Variants in CATSPERD observed in about 807,000 individuals in gnomAD.
CATSPERD encodes the protein catsper channel auxiliary subunit delta.
CATSPERD carries 86 observed loss-of-function variants against 98.1 expected under a neutral mutation model. The observed-to-expected ratio is 0.88, with a 90% CI of 0.74 to 1.05. The LOEUF (loss-of-function observed/expected upper bound fraction) is 1.05. CATSPERD is among the 50% of genes least tolerant of loss of function. The pLI, the probability that CATSPERD is intolerant of heterozygous loss-of-function variation, is 0.00. For missense variants in CATSPERD, 995 were observed against 1,005.7 expected, an observed-to-expected ratio of 0.99 and a Z score of 0.14; for synonymous variants, 394 against 390.2, an observed-to-expected ratio of 1.01 and a Z score of -0.12.
chr19:5,759,934 G>A (rs563019403), intron 15 of CATSPERD, among the ~76,000 whole-genome samples: 88 of 150,650 alleles, frequency 5.8e-4, no homozygotes, highest in Non-Finnish European at 1.2e-3. Context: ...AAAATTAGCC[G>A]GGCATGGTGG....
At chr19:5,758,032 A>G in intron 14 of CATSPERD, 100 bp downstream of exon 14, 1 of 999,596 alleles carries the variant, frequency 1.0e-6, no homozygotes, top group Non-Finnish European at 1.4e-6. Context: ...TCCAGGGTAC[A>G]TAGCCCGTGG....
At position 5,724,788 on chromosome 19, in the gene CATSPERD, G is replaced by C; in HGVS notation, c.72-20G>C. ...AATATTCAATAAAAATTGACAGATG[G>C]TCTTTCTTGTCACTTCTAGTTCTCG... On this transcript the variant is annotated intron_variant, in intron 1 of 21. Coordinates refer to ENST00000381624, the MANE Select transcript of CATSPERD (RefSeq NM_152784.4). 1 of 1,612,280 alleles carries C rather than the reference G, an allele frequency of 6.2e-7. No individual in the cohort carries two copies. Among genetic ancestry groups the C allele is most frequent in the Non-Finnish European group, 8.5e-7 (1 of 1,178,362 alleles).
chr19:5,755,962 C>G (rs896527640), intron 13 of CATSPERD, among the ~76,000 whole-genome samples: 11 of 151,854 alleles, frequency 7.2e-5, no homozygotes, highest in African/African-American at 1.2e-4. Context: ...GCCTGGGTAA[C>G]AGAGTAAAAC....
intron 4 of CATSPERD, among the ~76,000 whole-genome samples, chr19:5,731,559 A>ATTTTTTTTTTTT (rs1568342216): frequency 1.3e-5 from 1 of 78,506 alleles, no homozygotes; most frequent in Non-Finnish European, 2.6e-5. Context: ...GACACTTAAC[A>ATTTTTTTTTTTT]GTTTTTTTTT....
intron 15 of CATSPERD, among the ~76,000 whole-genome samples, chr19:5,759,757 G>A (rs985447140): frequency 4.0e-5 from 6 of 151,260 alleles, no homozygotes; most frequent in South Asian, 4.2e-4. Flanking sequence ...TCCGCACATC[G>A]CAATATGACT....
In CATSPERD at chr19:5,762,058, A is replaced by ATTTTTTTTTTTTT. The variant is rs869295948; in HGVS notation, c.1428-1146_1428-1134dup. Among the ~76,000 whole-genome samples the ATTTTTTTTTTTTT allele has an allele frequency of 2.9e-4, 3 of 10,438 alleles. 1 individual carries two copies. The highest frequency in any genetic ancestry group is 6.6e-4 in the African/African-American group (2 of 3,050). 6.8% of individuals were successfully genotyped at this position (10,438 alleles called of 152,430 possible). A position where few individuals can be genotyped will look rare whatever the true frequency, so the allele number is the denominator to read the frequency against. ...TGGCCTGCCATATATATATATATAT[A>ATTTTTTTTTTTTT]TTTTTTTTTTTTTTTTTTTTTTTGA... is the stretch of plus-strand genomic sequence containing the variant. On this transcript the variant is annotated intron_variant, in intron 15 of 21. Transcript: ENST00000381624.
chr19:5,727,028 CA>C (rs935645183), intron 2 of CATSPERD, among the ~76,000 whole-genome samples: 2 of 151,640 alleles, frequency 1.3e-5, no homozygotes, highest in African/African-American at 4.8e-5. Context: ...CCTGTCTCTA[CA>C]AAAAAAATAG....
chr19:5,731,769 G>T (rs1200287017), intron 4 of CATSPERD, among the ~76,000 whole-genome samples: 1 of 150,384 alleles, frequency 6.6e-6, no homozygotes, highest in African/African-American at 2.4e-5. Flanking sequence ...TAGAGACGGG[G>T]TTTCACCTTG....
intron 7 of CATSPERD, among the ~76,000 whole-genome samples, chr19:5,743,534 G>A (rs965070032): frequency 6.6e-6 from 1 of 151,566 alleles, no homozygotes; most frequent in Non-Finnish European, 1.5e-5. Flanking sequence ...AGGAGACAGA[G>A]GTTGCAGTGA....
chr19:5,758,301 A>C (rs1220076718), intron 14 of CATSPERD, among the ~76,000 whole-genome samples: 1 of 152,070 alleles, frequency 6.6e-6, no homozygotes, highest in Non-Finnish European at 1.5e-5. Context: ...CATCACATCC[A>C]GGTGAGTGAG....
chr19:5,727,455 A>C, intron 3 of CATSPERD, 111 bp downstream of exon 3: 1 of 815,396 alleles, frequency 1.2e-6, no homozygotes, highest in South Asian at 1.5e-5. Flanking sequence ...GTGTGTTGCT[A>C]GTTGCTGGCC....
chr19:5,761,181 A>C (rs1439626826), intron 15 of CATSPERD, among the ~76,000 whole-genome samples: 4 of 151,940 alleles, frequency 2.6e-5, no homozygotes, highest in Admixed American at 6.6e-5. Context: ...GGCTCACTGC[A>C]ATCTCTGCCT....
In CATSPERD at chr19:5,729,878, A is replaced by G. The variant is rs1225540458; in HGVS notation, c.210A>G (p.Gln70=). The part of the protein sequence containing the change: ...EKNIALYLGK[Q]VFFTMDNFET... ...TATTTATTGTTTATTTCAGGAAACA[A>G]GTTTTTTTCACAATGGATAACTTTG... The change falls in exon 4 of 22, where the codon CAA becomes CAG. Residue 70 remains glutamine (Q), a synonymous_variant. Coordinates refer to ENST00000381624, the MANE Select transcript of CATSPERD (RefSeq NM_152784.4). The G allele has an allele frequency of 4.4e-6, 7 of 1,577,334 alleles. No individual in the cohort carries two copies. Among genetic ancestry groups the G allele is most frequent in the Non-Finnish European group, 6.1e-6 (7 of 1,152,782 alleles).
chr19:5,751,531 CAAAAAAAAAAAAAAAAAAAAAAAAAAA>C, intron 11 of CATSPERD, 89 bp from the exon 12 acceptor site: 1 of 155,594 alleles, frequency 6.4e-6, no homozygotes. Context: ...GAGACTCCAT[CAAAAAAAAAAAAAAAAAAAAAAAAAAA>C]AAAAAAAAAA....
Position 5,770,975 on chromosome 19 carries a change from C to A in CATSPERD, c.1666C>A (p.Gln556Lys). Reference protein sequence around the residue: ...EFYDPGFQGQQSSEDLHVFYS... With the variant: ...EFYDPGFQGQKSSEDLHVFYS... ...CTACGACCCCGGCTTCCAGGGGCAG[C>A]AGTCCTCCGAGGACCTGCACGTGTT... The change falls in exon 19 of 22, where the codon CAG becomes AAG. Residue 556 changes from glutamine to lysine, a missense_variant. Gln to Lys is a moderately conservative substitution (Grantham distance 53). Coordinates refer to ENST00000381624, the MANE Select transcript of CATSPERD (RefSeq NM_152784.4). 6.2e-7 allele frequency: 1 copy of A among 1,613,058 alleles called. No homozygotes were observed. Among genetic ancestry groups the A allele is most frequent in the Non-Finnish European group, 8.5e-7 (1 of 1,179,542 alleles).
In CATSPERD at chr19:5,756,813, C is replaced by T. The variant is rs557339481; in HGVS notation, c.1279-1030C>T. 4.6e-5 allele frequency among the ~76,000 whole-genome samples: 7 copies of T among 151,996 alleles called. No individual in the cohort carries two copies. In the East Asian group the frequency reaches 5.8e-4, roughly 13 times the overall value. On this transcript the variant is annotated intron_variant, in intron 13 of 21. Transcript: ENST00000381624. Reference sequence around the variant, plus strand: ...CACAAAAATTAGCTGGGTGTGGTAGCGTGCTTGGAATCCCAGCTACTCGGG... The same window carrying T: ...CACAAAAATTAGCTGGGTGTGGTAGTGTGCTTGGAATCCCAGCTACTCGGG...
chr19:5,776,419 C>A, intron 21 of CATSPERD, 104 bp downstream of exon 21: 1 of 1,313,110 alleles, frequency 7.6e-7, no homozygotes, highest in Non-Finnish European at 1.1e-6. Context: ...CTGAATTCCC[C>A]CAACAGCCCA....
intron 15 of CATSPERD, among the ~76,000 whole-genome samples, chr19:5,761,891 A>G (rs2056441944): frequency 6.7e-6 from 1 of 149,838 alleles, no homozygotes; most frequent in Non-Finnish European, 1.5e-5. Flanking sequence ...ACGCCCGGCT[A>G]ATTTTTGTTG....
intron 5 of CATSPERD, among the ~76,000 whole-genome samples, chr19:5,734,744 G>A (rs543018656): frequency 6.6e-6 from 1 of 151,868 alleles, no homozygotes; most frequent in South Asian, 2.1e-4. Flanking sequence ...GGAGGTTGCA[G>A]TGAGCTGAGA....
Sources: allele counts gnomAD v4.1 joint callset (sites outside exome capture counted in the v4.1 genomes callset), GRCh38; gene constraint gnomAD v4.1.1; transcripts MANE v1.5; gene names NCBI Gene and HGNC (gene_info 2026-07-23, HGNC 2026-07-21).